Variants in DNAH5 observed in about 807,000 individuals in gnomAD.
DNAH5 encodes the protein dynein axonemal heavy chain 5.
DNAH5 carries 372 observed loss-of-function variants against 518.2 expected under a neutral mutation model. The observed-to-expected ratio is 0.72, with a 90% confidence interval of 0.66 to 0.78. DNAH5 has a LOEUF of 0.78. Ranked by LOEUF, DNAH5 falls within the 30% of genes least tolerant of loss-of-function variation. DNAH5 has a pLI of 0.00. For missense variants in DNAH5, 5,523 were observed against 5,687.0 expected (o/e 0.97, Z 0.93); for synonymous variants, 2,039 against 2,025.9 (o/e 1.01, Z -0.17).
At chr5:13,809,778 ATGAG>A (rs1482032980) in intron 45 of DNAH5, among the ~76,000 whole-genome samples, 1 of 152,204 alleles carries the variant, frequency 6.6e-6, no homozygotes, top group Non-Finnish European at 1.5e-5. Flanking sequence ...ATTATATTGA[ATGAG>A]TGACAGAAAT....
At chr5:13,891,668 T>C (rs1421775932) in intron 16 of DNAH5, among the ~76,000 whole-genome samples, 1 of 152,222 alleles carries the variant, frequency 6.6e-6, no homozygotes, top group African/African-American at 2.4e-5. Context: ...TCTTTAGAAT[T>C]CATATTTTTT....
At chr5:13,757,012 C>A (rs994346770) in intron 61 of DNAH5, among the ~76,000 whole-genome samples, 1 of 152,200 alleles carries the variant, frequency 6.6e-6, no homozygotes, top group Non-Finnish European at 1.5e-5. Flanking sequence ...CCAGTTCCAT[C>A]TAGGTTCCTG....
intron 31 of DNAH5, among the ~76,000 whole-genome samples, chr5:13,848,940 A>T (rs1766437379): frequency 6.6e-6 from 1 of 152,174 alleles, no homozygotes; most frequent in Non-Finnish European, 1.5e-5. Flanking sequence ...TAGGCCTTTG[A>T]AACACCCATC....
rs1483093121 is a variant in DNAH5, at chr5:13,744,144, T to C, written c.11212-6649A>G. On this transcript the variant is annotated intron_variant, in intron 65 of 78. Coordinates refer to ENST00000265104, the MANE Select transcript of DNAH5 (RefSeq NM_001369.3). ...GGTATACATACACAATGGAATACTA[T>C]TCAGCAATAAAAAAGAATAAAATCC... is the stretch of plus-strand genomic sequence containing the variant. Among the ~76,000 whole-genome samples, 8 of 152,108 alleles carry C rather than the reference T, an allele frequency of 5.3e-5. No homozygotes were observed. The East Asian group carries it at 1.5e-3, about 29-fold the overall frequency.
chr5:13,735,267 C>A lies in DNAH5; in HGVS notation c.11625G>T (p.Met3875Ile), dbSNP rs762188606. The A allele has an allele frequency of 6.8e-6, 11 of 1,613,986 alleles. No individual in the cohort carries two copies. The highest frequency in any genetic ancestry group is 9.3e-6 in the Non-Finnish European group (11 of 1,180,016). The change falls in exon 68 of 79, where the codon ATG (methionine) becomes ATT (isoleucine). Residue 3875 changes from methionine to isoleucine, a missense_variant. Met to Ile is a conservative substitution (Grantham distance 10). Coordinates refer to ENST00000265104, the MANE Select transcript of DNAH5 (RefSeq NM_001369.3). Reference protein sequence around the residue: ...SKRIANIIEHMTYEVYKYAAR... With the variant: ...SKRIANIIEHITYEVYKYAAR... ...CAGCATACTTATAAACCTCGTAGGT[C>A]ATGTGCTCGATGATATTAGCAATCC...
intron 15 of DNAH5, 97 bp downstream of exon 15, chr5:13,900,109 C>A: frequency 1.7e-6 from 2 of 1,147,566 alleles, no homozygotes; most frequent in Non-Finnish European, 2.5e-6. Flanking sequence ...TTCATCCTGG[C>A]CACTTTCTGC....
At chr5:13,775,412 AGATG>A (rs1279730975) in intron 55 of DNAH5, among the ~76,000 whole-genome samples, 13 of 152,236 alleles carry the variant, frequency 8.5e-5, no homozygotes, top group African/African-American at 2.4e-4. Context: ...GATGATGGAT[AGATG>A]GATGGATAGA....
At chr5:13,708,530 A>T (rs1743095277) in intron 75 of DNAH5, among the ~76,000 whole-genome samples, 195 bp from the exon 76 acceptor site, 1 of 152,198 alleles carries the variant, frequency 6.6e-6, no homozygotes, top group Admixed American at 6.5e-5. Context: ...GACCAGCCCG[A>T]ATTTTCATGC....
At chr5:13,976,687 G>GTATATATA (rs1231927910) in intron 1 of DNAH5, among the ~76,000 whole-genome samples, 65 of 121,340 alleles carry the variant, frequency 5.4e-4, no homozygotes, top group African/African-American at 1.8e-3. Flanking sequence ...ATGTGTGTGT[G>GTATATATA]TGTATATATA....
At chr5:13,768,737 T>C (rs1446774720) in intron 58 of DNAH5, among the ~76,000 whole-genome samples, 1 of 152,204 alleles carries the variant, frequency 6.6e-6, no homozygotes, top group Non-Finnish European at 1.5e-5. Context: ...GTATATGGCA[T>C]TGCCCAACAT....
chr5:13,837,844 C>A (rs1764615440), intron 35 of DNAH5, among the ~76,000 whole-genome samples: 1 of 151,784 alleles, frequency 6.6e-6, no homozygotes, highest in African/African-American at 2.4e-5. Flanking sequence ...GGGACTATGG[C>A]CACGTGCCAC....
chr5:13,870,341 G>C (rs908933861), intron 24 of DNAH5, among the ~76,000 whole-genome samples: 1 of 152,136 alleles, frequency 6.6e-6, no homozygotes, highest in Non-Finnish European at 1.5e-5. Flanking sequence ...CCTTCTCATG[G>C]GGAGGTTATA....
At chr5:13,725,029 T>C (rs773439476) in intron 70 of DNAH5, among the ~76,000 whole-genome samples, 1 of 152,194 alleles carries the variant, frequency 6.6e-6, no homozygotes, top group Admixed American at 6.5e-5. Context: ...TAAACCTTGG[T>C]CCATGACCCT....
intron 30 of DNAH5, among the ~76,000 whole-genome samples, chr5:13,858,921 A>G (rs1414691218): frequency 1.3e-5 from 2 of 152,198 alleles, no homozygotes; most frequent in Non-Finnish European, 2.9e-5. Context: ...TATACTCCAT[A>G]TATACCCAGT....
At chr5:13,719,141 T>A in intron 71 of DNAH5, 40 bp from the exon 72 acceptor site, 1 of 1,440,062 alleles carries the variant, frequency 6.9e-7, no homozygotes, top group African/African-American at 1.4e-5. Context: ...AGTTTTGTAT[T>A]TCACCCAAAT....
At chr5:13,981,939 C>G (rs539643199) in intron 1 of DNAH5, among the ~76,000 whole-genome samples, 3 of 152,162 alleles carry the variant, frequency 2.0e-5, no homozygotes, top group Non-Finnish European at 4.4e-5. Context: ...AAACACAAGG[C>G]GTAAGCTTTA....
chr5:13,815,358 A>T (rs1016092733), intron 42 of DNAH5, among the ~76,000 whole-genome samples: 1 of 152,240 alleles, frequency 6.6e-6, no homozygotes, highest in Non-Finnish European at 1.5e-5. Flanking sequence ...AAGCCCCTGA[A>T]GCAGATACAG....
chr5:13,808,842 C>T (rs1760101839), intron 46 of DNAH5, among the ~76,000 whole-genome samples: 1 of 152,092 alleles, frequency 6.6e-6, no homozygotes, highest in South Asian at 2.1e-4. Flanking sequence ...CACCTGTAGT[C>T]CCAGCTACTC....
At chr5:13,848,715 G>T (rs368044463) in intron 31 of DNAH5, among the ~76,000 whole-genome samples, 1 of 152,082 alleles carries the variant, frequency 6.6e-6, no homozygotes, top group African/African-American at 2.4e-5. Flanking sequence ...GGGTGTATGC[G>T]CAGTTCACAA....
Sources: gnomAD v4.1 joint callset for allele counts (sites outside exome capture counted in the v4.1 genomes callset) on GRCh38, gnomAD v4.1.1 for gene constraint, MANE v1.5 for transcripts, NCBI Gene and HGNC (gene_info 2026-07-23, HGNC 2026-07-21) for gene names.